The following ATP5MJ variants were observed in gnomAD, a reference collection of about 807,000 sequenced individuals.
The protein encoded by ATP5MJ is ATP synthase F(0) complex subunit j, mitochondrial.
ATP5MJ carries 4 observed loss-of-function variants against 8.3 expected under a neutral mutation model. That is an observed-to-expected ratio of 0.48 (90% CI 0.24 to 1.11). The LOEUF (loss-of-function observed/expected upper bound fraction) is 1.11, where lower values mean the gene tolerates loss of function less well. Ranked by LOEUF, ATP5MJ falls within the 50% of genes least tolerant of loss-of-function variation. The pLI is 0.18. For missense variants in ATP5MJ, 66 were observed against 71.8 expected (o/e 0.92, Z 0.29); for synonymous variants, 23 against 21.3 (o/e 1.08, Z -0.23).
chr14:103,920,129 C>CTTT (rs74373978), intron 1 of ATP5MJ, among the ~76,000 whole-genome samples: 30 of 121,462 alleles, frequency 2.5e-4, no homozygotes, highest in Non-Finnish European at 8.7e-5. Flanking sequence ...CCGGCCCCTA[C>CTTT]TTTTTTTTTT....
intron 1 of ATP5MJ, 106 bp from the exon 2 acceptor site, chr14:103,915,295 G>A: frequency 7.5e-7 from 1 of 1,326,638 alleles, no homozygotes; most frequent in Non-Finnish European, 1.0e-6. Context: ...ATGACTGCTA[G>A]GGAGCCTCGC....
Position 103,913,999 on chromosome 14 carries a change from A to AG in ATP5MJ, c.125-16dup, listed in dbSNP as rs769419419. 1.2e-6 allele frequency: 2 copies of AG among 1,600,226 alleles called. No homozygotes were observed. The highest frequency in any genetic ancestry group is 4.5e-5 in the East Asian group (2 of 44,812). ...ACTTCTTTTATCTAAAATAAAAGGAAGGAAAAAAAAGCAGTCATATCAATG... is the reference window on the plus strand; with the variant it reads ...ACTTCTTTTATCTAAAATAAAAGGAAGGGAAAAAAAAGCAGTCATATCAATG... On this transcript the variant is annotated splice_polypyrimidine_tract_variant and intron_variant, in intron 2 of 3. Coordinates refer to ENST00000286953, the MANE Select transcript of ATP5MJ (RefSeq NM_004894.3).
intron 1 of ATP5MJ, among the ~76,000 whole-genome samples, chr14:103,915,592 C>T (rs1283963046): frequency 6.6e-6 from 1 of 151,906 alleles, no homozygotes; most frequent in East Asian, 1.9e-4. Flanking sequence ...GGCGATCTGC[C>T]TTGCTTTGGC....
At chr14:103,919,593 G>T (rs1595879157) in intron 1 of ATP5MJ, among the ~76,000 whole-genome samples, 1 of 152,186 alleles carries the variant, frequency 6.6e-6, no homozygotes, top group East Asian at 1.9e-4. Flanking sequence ...AAAGTAAACT[G>T]GGAGGGTACA....
chr14:103,913,902 C>T, intron 3 of ATP5MJ, 59 bp downstream of exon 3: 4 of 1,565,770 alleles, frequency 2.6e-6, no homozygotes, highest in Non-Finnish European at 3.5e-6. Flanking sequence ...TATACCTTGT[C>T]CTGAAAAGAC....
chr14:103,913,575 C>T (rs2269186), intron 3 of ATP5MJ: 80,555 of 312,514 alleles, frequency 0.26, 12,021 homozygotes, highest in South Asian at 0.44. Flanking sequence ...CGCAGCACTG[C>T]AGTCCAGCCT....
chr14:103,915,783 C>A (rs376509294), intron 1 of ATP5MJ, among the ~76,000 whole-genome samples: 2 of 151,956 alleles, frequency 1.3e-5, no homozygotes, highest in Non-Finnish European at 2.9e-5. Context: ...CCACAGGGCC[C>A]GGCCTGGGAC....
At chr14:103,915,006 A>G in intron 2 of ATP5MJ, 60 bp downstream of exon 2, 2 of 1,606,870 alleles carry the variant, frequency 1.2e-6, no homozygotes, top group Non-Finnish European at 1.7e-6. Flanking sequence ...GTGAATTGTG[A>G]TTCTTTTTGA....
rs1456117315 is a variant in ATP5MJ, at chr14:103,914,479, A to G, written c.125-495T>C. Reference sequence around the variant, plus strand: ...CACTTTCACACCTAAGAAAACTCACAATTCTGATATTAAAGTCTTGTTCAA... The same window carrying G: ...CACTTTCACACCTAAGAAAACTCACGATTCTGATATTAAAGTCTTGTTCAA... On this transcript the variant is annotated intron_variant, in intron 2 of 3. Transcript: ENST00000286953. The G allele has an allele frequency of 4.7e-6, 3 of 643,066 alleles. 1 individual carries two copies. 39.8% of individuals were successfully genotyped at this position (643,066 alleles called of 1,614,324 possible).
At chr14:103,918,821 G>T (rs1395723335) in intron 1 of ATP5MJ, among the ~76,000 whole-genome samples, 2 of 151,156 alleles carry the variant, frequency 1.3e-5, no homozygotes, top group African/African-American at 4.9e-5. Context: ...AGGAGATCAA[G>T]ACCATCCTGG....
intron 1 of ATP5MJ, 81 bp from the exon 2 acceptor site, chr14:103,915,270 T>C: frequency 6.6e-7 from 1 of 1,523,762 alleles, no homozygotes; most frequent in Non-Finnish European, 9.0e-7. Flanking sequence ...TTTGTTAAGT[T>C]CAACCCCATT....
At chr14:103,914,105 G>A in intron 2 of ATP5MJ, 121 bp from the exon 3 acceptor site, 1 of 868,498 alleles carries the variant, frequency 1.2e-6, no homozygotes. Flanking sequence ...GAAGCTTTCA[G>A]AAAATGTCTT....
In ATP5MJ at chr14:103,914,737, GAATCACCTGA is replaced by G. The variant is rs2087609340; in HGVS notation, c.124+319_124+328del. ...AGCTACTTGGCAGGCTGAGGTGGGA[GAATCACCTGA>G]AATCACCTGAGCCTAGGAGGTGGAG... On this transcript the variant is annotated intron_variant, in intron 2 of 3. Transcript: ENST00000286953. The G allele has an allele frequency of 1.4e-5, 7 of 506,846 alleles. No individual in the cohort carries two copies. In the South Asian group the frequency reaches 1.5e-4, roughly 11 times the overall value. The allele number at this position is 506,846 out of a possible 1,614,324, so 31.4% of individuals were successfully genotyped here.
chr14:103,912,827 A>C, intron 3 of ATP5MJ, 133 bp from the exon 4 acceptor site: 1 of 859,918 alleles, frequency 1.2e-6, no homozygotes, highest in Non-Finnish European at 1.8e-6. Context: ...ATACTATTGA[A>C]AAGTAGGATT....
At chr14:103,914,029 AC>A (rs2087603287) in intron 2 of ATP5MJ, 45 bp from the exon 3 acceptor site, 1 of 1,550,464 alleles carries the variant, frequency 6.4e-7, no homozygotes, top group African/African-American at 1.4e-5. Flanking sequence ...TCAATGCTTT[AC>A]AAAAATGCCT....
At chr14:103,920,412 G>C (rs1309655680) in intron 1 of ATP5MJ, among the ~76,000 whole-genome samples, 1 of 150,390 alleles carries the variant, frequency 6.6e-6, no homozygotes. Flanking sequence ...GATTACAGGC[G>C]TGAGCCACCG....
At chr14:103,921,263 G>A in intron 1 of ATP5MJ, 1 of 502,300 alleles carries the variant, frequency 2.0e-6, no homozygotes, top group East Asian at 3.4e-5. Context: ...GCCAAGGAGG[G>A]AAACGCGGCG....
At chr14:103,917,227 C>T (rs981326449) in intron 1 of ATP5MJ, among the ~76,000 whole-genome samples, 1 of 152,168 alleles carries the variant, frequency 6.6e-6, no homozygotes, top group African/African-American at 2.4e-5. Context: ...TAAGTTTTCT[C>T]ATCTGTAAAA....
chr14:103,920,363 A>AC (rs1357025540), intron 1 of ATP5MJ, among the ~76,000 whole-genome samples: 2 of 146,964 alleles, frequency 1.4e-5, no homozygotes, highest in Non-Finnish European at 3.0e-5. Flanking sequence ...CGATCTCTTG[A>AC]CCTCGTGATC....
Sources: allele counts gnomAD v4.1 joint callset (sites outside exome capture counted in the v4.1 genomes callset), GRCh38; gene constraint gnomAD v4.1.1; transcripts MANE v1.5; gene names NCBI Gene and HGNC (gene_info 2026-07-23, HGNC 2026-07-21).